TOP2B: variants seen among roughly 807,000 people sequenced by gnomAD.
TOP2B encodes DNA topoisomerase II beta.
A neutral mutation model predicts 193.5 loss-of-function variants in TOP2B; 51 were observed. That is an observed-to-expected ratio of 0.26 (90% CI 0.21 to 0.33). The LOEUF is 0.33. Ranked by LOEUF, TOP2B falls within the 10% of genes least tolerant of loss-of-function variation. TOP2B has a pLI of 1.00. For missense variants in TOP2B, 1,378 were observed against 1,909.3 expected (o/e 0.72, Z 5.19); for synonymous variants, 634 against 635.7 (o/e 1.00, Z 0.04).
chr3:25,624,278 T>C lies in TOP2B; in HGVS notation c.2495+19A>G. On this transcript the variant is annotated intron_variant, in intron 20 of 35. Coordinates refer to ENST00000264331, the MANE Select transcript of TOP2B (RefSeq NM_001330700.2). Reference sequence around the variant, plus strand: ...CAAATCAAATCAAACTTTATACCATTATATCAGCAAATATTTACCTTAACA... The same window carrying C: ...CAAATCAAATCAAACTTTATACCATCATATCAGCAAATATTTACCTTAACA... 1 of 1,613,170 alleles carries C rather than the reference T, an allele frequency of 6.2e-7. No homozygotes were observed. The highest frequency in any genetic ancestry group is 8.5e-7 in the Non-Finnish European group (1 of 1,179,438).
chr3:25,621,166 T>G (rs2125365883), intron 21 of TOP2B, among the ~76,000 whole-genome samples: 1 of 152,312 alleles, frequency 6.6e-6, no homozygotes, highest in South Asian at 2.1e-4. Flanking sequence ...GGCTTTCAAT[T>G]TTTTCTCTAA....
chr3:25,618,599 TAA>T (rs1702573718), intron 24 of TOP2B, 53 bp downstream of exon 24: 1 of 1,521,124 alleles, frequency 6.6e-7, no homozygotes, highest in Non-Finnish European at 8.8e-7. Flanking sequence ...CTTCTATTAA[TAA>T]AGTTTTTTTT....
At chr3:25,627,032 A>G in intron 16 of TOP2B, 155 bp downstream of exon 16, 4 of 688,682 alleles carry the variant, frequency 5.8e-6, no homozygotes, top group Non-Finnish European at 9.7e-6. Flanking sequence ...CAATTAAAGA[A>G]GTTTATACAA....
intron 29 of TOP2B, 41 bp from the exon 30 acceptor site, chr3:25,609,385 A>C: frequency 6.6e-7 from 1 of 1,509,580 alleles, no homozygotes; most frequent in Non-Finnish European, 8.9e-7. Context: ...ATCCATATTT[A>C]TAGAAATGTC....
rs182329156 is a variant in TOP2B at position 25,599,798 on chromosome 3, T to G, written c.4616-269A>C. ...GATGAATCCCTTCATACATAAAACA[T>G]TTGTATTTGCTATTTGGTCCTTGAG... is the stretch of plus-strand genomic sequence containing the variant. On this transcript the variant is annotated intron_variant, in intron 34 of 35. Coordinates refer to ENST00000264331, the MANE Select transcript of TOP2B (RefSeq NM_001330700.2). 3.9e-5 allele frequency among the ~76,000 whole-genome samples: 6 copies of G among 152,374 alleles called. No homozygotes were observed. In the South Asian group the frequency reaches 1.2e-3, roughly 32 times the overall value.
intron 10 of TOP2B, among the ~76,000 whole-genome samples, 167 bp downstream of exon 10, chr3:25,632,279 A>C (rs531299866): frequency 2.6e-5 from 4 of 152,066 alleles, no homozygotes; most frequent in Admixed American, 6.6e-5. Flanking sequence ...GAAACATTAA[A>C]GTCTACCCTT....
chr3:25,608,150 A>G (rs1193195036), intron 30 of TOP2B, among the ~76,000 whole-genome samples: 1 of 152,196 alleles, frequency 6.6e-6, no homozygotes, highest in Non-Finnish European at 1.5e-5. Context: ...TTTTACTATG[A>G]AATAACAAAG....
chr3:25,612,559 C>A lies in TOP2B; in HGVS notation c.3742G>T (p.Ala1248Ser), dbSNP rs761832827. Residue 1248 changes from alanine to serine, a missense_variant, in exon 28 of 36, where the codon GCT (alanine) becomes TCT (serine). Coordinates refer to ENST00000264331, the MANE Select transcript of TOP2B (RefSeq NM_001330700.2). ...TTTTTGCTGGCATCTGCCTTCATAG[C>A]TGTAATTTCAGGAATTATTCTTCTG... Reference protein sequence around the residue: ...YGRRIIPEITAMKADASKKLL... With the variant: ...YGRRIIPEITSMKADASKKLL... 5.6e-6 allele frequency: 9 copies of A among 1,612,314 alleles called. No individual in the cohort carries two copies. Among genetic ancestry groups the A allele is most frequent in the Non-Finnish European group, 7.6e-6 (9 of 1,179,254 alleles).
Position 25,598,268 on chromosome 3 carries a change from C to G in TOP2B, c.*39G>C. On this transcript the variant is annotated 3_prime_UTR_variant, in exon 36 of 36. Coordinates refer to ENST00000264331, the MANE Select transcript of TOP2B (RefSeq NM_001330700.2). ...AGACAGAGAAGACAAAAGGACAACA[C>G]AAGATATTTGTTGAAAAATGTTTGT... 6.4e-7 allele frequency: 1 copy of G among 1,564,998 alleles called. No homozygotes were observed. Among genetic ancestry groups the G allele is most frequent in the African/African-American group, 1.4e-5 (1 of 73,802 alleles).
In TOP2B at chr3:25,664,525, C is replaced by A; in HGVS notation, c.-228G>T. 3 of 1,149,142 alleles carry A rather than the reference C, an allele frequency of 2.6e-6. No homozygotes were observed. The highest frequency in any genetic ancestry group is 4.3e-5 in the South Asian group (1 of 23,130). 71.2% of individuals were successfully genotyped at this position (1,149,142 alleles called of 1,614,324 possible). ...CTCGAGGCGCGGCGTCCGCGTCGCC[C>A]GGGCCTAGCGCGGCGGCTGAGGAGA... On this transcript the variant is annotated 5_prime_UTR_variant, in exon 1 of 36. Coordinates refer to ENST00000264331, the MANE Select transcript of TOP2B (RefSeq NM_001330700.2).
chr3:25,622,886 C>T (rs184642832), intron 21 of TOP2B, among the ~76,000 whole-genome samples: 3 of 152,228 alleles, frequency 2.0e-5, no homozygotes, highest in African/African-American at 7.2e-5. Context: ...AGGTGATCCA[C>T]CCACCTCGGC....
intron 25 of TOP2B, 34 bp from the exon 26 acceptor site, chr3:25,615,620 TGTATA>T (rs775670011): frequency 4.9e-6 from 7 of 1,415,398 alleles, no homozygotes; most frequent in African/African-American, 1.5e-5. Context: ...ATTAAAGTCT[TGTATA>T]GTATCAAATT....
chr3:25,652,374 T>C (rs547799775), intron 1 of TOP2B, among the ~76,000 whole-genome samples: 1 of 152,334 alleles, frequency 6.6e-6, no homozygotes, highest in South Asian at 2.1e-4. Flanking sequence ...AGAATACACA[T>C]TCTTTTCAAT....
At chr3:25,615,706 G>A (rs1460089519) in intron 25 of TOP2B, 120 bp from the exon 26 acceptor site, 1 of 868,572 alleles carries the variant, frequency 1.2e-6, no homozygotes, top group Non-Finnish European at 1.6e-6. Flanking sequence ...ACATCTTCAG[G>A]ATGGTGGGGT....
At chr3:25,658,070 A>AAACAAAAAAAAAAAAAAC (rs1703801983) in intron 1 of TOP2B, among the ~76,000 whole-genome samples, 1 of 74,612 alleles carries the variant, frequency 1.3e-5, no homozygotes, top group Non-Finnish European at 2.5e-5. Context: ...CAAAAAAAAA[A>AAACAAAAAAAAAAAAAAC]AAAAAAAATT....
intron 1 of TOP2B, among the ~76,000 whole-genome samples, chr3:25,660,442 T>C (rs1703875373): frequency 6.6e-6 from 1 of 152,064 alleles, no homozygotes; most frequent in South Asian, 2.1e-4. Context: ...AAACATTCAA[T>C]GAAAGAAAAA....
Position 25,618,665 on chromosome 3 carries a change from T to C in TOP2B, c.3248A>G (p.Lys1083Arg), listed in dbSNP as rs1559496502. The change falls in exon 24 of 36, where the codon AAA (lysine) becomes AGA (arginine). Residue 1083 changes from lysine to arginine, a missense_variant. Around this residue, in one of 9 missense-constraint regions of TOP2B, gnomAD observed 379 missense variants for 615.1 expected, o/e 0.62. Transcript: ENST00000264331. ...ARFILEKIQG[K>R]ITIENRSKKD... ...AGGTTGTATCTTACCTATAGTAATT[T>C]TCCCTTGTATCTTCTCTAAAATGAA... 6.2e-6 allele frequency: 10 copies of C among 1,606,110 alleles called. No individual in the cohort carries two copies. The highest frequency in any genetic ancestry group is 8.5e-6 in the Non-Finnish European group (10 of 1,177,454).
intron 1 of TOP2B, among the ~76,000 whole-genome samples, chr3:25,650,366 T>C (rs1703551057): frequency 6.6e-6 from 1 of 152,228 alleles, no homozygotes; most frequent in Non-Finnish European, 1.5e-5. Flanking sequence ...TCTTGACCTG[T>C]CTGCTTTCGC....
At chr3:25,607,105 C>T (rs1702253657) in intron 31 of TOP2B, 66 bp downstream of exon 31, 2 of 1,568,680 alleles carry the variant, frequency 1.3e-6, no homozygotes, top group Non-Finnish European at 1.7e-6. Context: ...GAAGAGCTCA[C>T]TATAATATCT....
Sources: gnomAD v4.1 joint callset for allele counts (sites outside exome capture counted in the v4.1 genomes callset) on GRCh38, gnomAD v4.1.1 for gene constraint, gnomAD v4.1.1 regional missense constraint, MANE v1.5 for transcripts, NCBI Gene and HGNC (gene_info 2026-07-23, HGNC 2026-07-21) for gene names.